Variants in ME1 observed in about 807,000 individuals in gnomAD.
The protein encoded by ME1 is NADP-dependent malic enzyme.
In ME1, 74 loss-of-function variants were observed where a neutral mutation model predicts 66.4. The observed-to-expected ratio is 1.11, with a 90% CI of 0.92 to 1.35. ME1 has a LOEUF of 1.35. Among genes scored for constraint, ME1 ranks in the 40% most tolerant of loss-of-function variants. ME1 has a pLI of 0.00. For synonymous variants in ME1, 251 were observed against 235.6 expected, an observed-to-expected ratio of 1.07 and a Z score of -0.60; for missense variants, 750 against 694.1, an observed-to-expected ratio of 1.08 and a Z score of -0.90.
intron 7 of ME1, among the ~76,000 whole-genome samples, chr6:83,241,924 G>A (rs555679255): frequency 6.6e-6 from 1 of 152,044 alleles, no homozygotes; most frequent in African/African-American, 2.4e-5. Flanking sequence ...GTGCAGTGGC[G>A]CGATCCTGGC....
intron 3 of ME1, among the ~76,000 whole-genome samples, chr6:83,376,389 G>A (rs1394503610): frequency 6.6e-6 from 1 of 151,776 alleles, no homozygotes; most frequent in Non-Finnish European, 1.5e-5. Flanking sequence ...CAGCTACTTA[G>A]GAGACTGAGG....
chr6:83,225,834 A>ATC (rs1424828588), intron 11 of ME1, among the ~76,000 whole-genome samples: 4 of 140,606 alleles, frequency 2.8e-5, no homozygotes, highest in Admixed American at 1.4e-4. Flanking sequence ...ATATATATAT[A>ATC]TATCTCCCCC....
chr6:83,213,878 TAAAC>T (rs948857973), intron 13 of ME1, among the ~76,000 whole-genome samples: 45 of 151,822 alleles, frequency 3.0e-4, no homozygotes, highest in South Asian at 1.3e-3. Context: ...TGTTAGAAAA[TAAAC>T]AAACGAAAGA....
At chr6:83,212,183 C>T (rs1053772327) in intron 13 of ME1, 89 bp from the exon 14 acceptor site, 1 of 869,394 alleles carries the variant, frequency 1.2e-6, no homozygotes, top group African/African-American at 1.7e-5. Context: ...ATTTCAAAAA[C>T]ACTGTATCCT....
intron 6 of ME1, among the ~76,000 whole-genome samples, chr6:83,309,347 A>G (rs1767887809): frequency 6.6e-6 from 1 of 152,204 alleles, no homozygotes; most frequent in Admixed American, 6.5e-5. Flanking sequence ...GGTTCAGTTA[A>G]GAGAAGTAAT....
Position 83,250,149 on chromosome 6 carries a change from T to C in ME1, c.814+3480A>G, listed in dbSNP as rs549635457. Among the ~76,000 whole-genome samples, 3 of 151,778 alleles carry C rather than the reference T, an allele frequency of 2.0e-5. No individual in the cohort carries two copies. The East Asian group carries it at 5.8e-4, about 29-fold the overall frequency. Reference sequence around the variant, plus strand: ...TATGTTTCATAGTCCGTTGGCTCTCTAGTTCTCTACAATAGTTCTTTCAGA... The same window carrying C: ...TATGTTTCATAGTCCGTTGGCTCTCCAGTTCTCTACAATAGTTCTTTCAGA... On this transcript the variant is annotated intron_variant, in intron 7 of 13. Transcript: ENST00000369705.
At chr6:83,330,335 T>A (rs1768379504) in intron 5 of ME1, among the ~76,000 whole-genome samples, 1 of 152,154 alleles carries the variant, frequency 6.6e-6, no homozygotes, top group Non-Finnish European at 1.5e-5. Flanking sequence ...TGTTGCCTCA[T>A]GTCATCAATA....
chr6:83,304,124 G>A (rs1767781100), intron 6 of ME1, among the ~76,000 whole-genome samples: 1 of 152,098 alleles, frequency 6.6e-6, no homozygotes, highest in South Asian at 2.1e-4. Flanking sequence ...TACTACTGAA[G>A]GTACTATTAG....
intron 6 of ME1, among the ~76,000 whole-genome samples, chr6:83,261,788 T>C (rs921011893): frequency 2.0e-5 from 3 of 151,920 alleles, no homozygotes; most frequent in African/African-American, 7.2e-5. Flanking sequence ...CCGAGGCAGA[T>C]GGATCACCTG....
chr6:83,404,388 T>C (rs1054093051), intron 2 of ME1, among the ~76,000 whole-genome samples: 2 of 152,196 alleles, frequency 1.3e-5, no homozygotes, highest in Non-Finnish European at 2.9e-5. Context: ...TCTTTGTAGA[T>C]TCTGGATATT....
chr6:83,260,654 G>A (rs1766865399), intron 6 of ME1, among the ~76,000 whole-genome samples: 1 of 152,120 alleles, frequency 6.6e-6, no homozygotes, highest in African/African-American at 2.4e-5. Context: ...GTGTTCAAGT[G>A]TTCTCATCAT....
intron 6 of ME1, among the ~76,000 whole-genome samples, chr6:83,276,701 A>G (rs545710471): frequency 1.2e-3 from 176 of 152,356 alleles, no homozygotes; most frequent in African/African-American, 4.0e-3. Flanking sequence ...ACTAAAAAAA[A>G]ATTAGTTTTA....
intron 5 of ME1, among the ~76,000 whole-genome samples, chr6:83,334,301 G>C (rs1768481373): frequency 7.8e-6 from 1 of 128,636 alleles, no homozygotes; most frequent in African/African-American, 3.0e-5. Flanking sequence ...CCCACACCTG[G>C]CTCAGAGGGT....
rs189223023 is a variant in ME1, at chr6:83,340,045, C to T, written c.600+6128G>A. 6.5e-3 allele frequency among the ~76,000 whole-genome samples: 986 copies of T among 151,308 alleles called. 11 individuals carry two copies. Among genetic ancestry groups the T allele is most frequent in the African/African-American group, 0.023 (934 of 41,248 alleles). On this transcript the variant is annotated intron_variant, in intron 5 of 13. Coordinates refer to ENST00000369705, the MANE Select transcript of ME1 (RefSeq NM_002395.6). ...AGAATAGCAGAATAGAATATTGTTG[C>T]TACTGTGAATGAGTTAATTTTTAAC...
At position 83,221,947 on chromosome 6, in the gene ME1, TATG is replaced by T. The variant is rs369265417; in HGVS notation, c.1449+1810_1449+1812del. Among the ~76,000 whole-genome samples the T allele has an allele frequency of 1.6e-3, 250 of 152,302 alleles. 1 individual carries two copies. Among genetic ancestry groups the T allele is most frequent in the African/African-American group, 5.8e-3 (239 of 41,558 alleles). ...AGATGCAGCCAGAGAGATCACTAGC[TATG>T]ATAAGAATTAGTGATGTGGTATGTT... is the stretch of plus-strand genomic sequence containing the variant. On this transcript the variant is annotated intron_variant, in intron 12 of 13. Transcript: ENST00000369705.
At chr6:83,358,419 T>G (rs1768942971) in intron 3 of ME1, among the ~76,000 whole-genome samples, 1 of 152,160 alleles carries the variant, frequency 6.6e-6, no homozygotes, top group African/African-American at 2.4e-5. Context: ...TTGTATCTCC[T>G]GGCTTCAGAA....
rs1030099766 is a variant in ME1, at chr6:83,270,357, G to A, written c.705-16619C>T. Among the ~76,000 whole-genome samples the A allele has an allele frequency of 6.6e-5, 10 of 151,764 alleles. No homozygotes were observed. The East Asian group carries it at 1.7e-3, about 26-fold the overall frequency. ...TCAGGTCCCAGATTTCTTGTTAAACGATCTACTCCACATAAAAATCTCTTT... is the reference window on the plus strand; with the variant it reads ...TCAGGTCCCAGATTTCTTGTTAAACAATCTACTCCACATAAAAATCTCTTT... On this transcript the variant is annotated intron_variant, in intron 6 of 13. Coordinates refer to ENST00000369705, the MANE Select transcript of ME1 (RefSeq NM_002395.6).
At chr6:83,343,764 G>T (rs1431198655) in intron 5 of ME1, among the ~76,000 whole-genome samples, 1 of 152,056 alleles carries the variant, frequency 6.6e-6, no homozygotes. Context: ...ACCAAAACAG[G>T]AAAGAAACAT....
At chr6:83,357,935 C>CTCTCTCTATATATATATATATA (rs1447805761) in intron 3 of ME1, among the ~76,000 whole-genome samples, 1 of 30,040 alleles carries the variant, frequency 3.3e-5, no homozygotes, top group Non-Finnish European at 5.9e-5. Flanking sequence ...CTCTCTCTCT[C>CTCTCTCTATATATATATATATA]TATATATATA....
Sources: gnomAD v4.1 joint callset for allele counts (sites outside exome capture counted in the v4.1 genomes callset) on GRCh38, gnomAD v4.1.1 for gene constraint, MANE v1.5 for transcripts, NCBI Gene and HGNC (gene_info 2026-07-23, HGNC 2026-07-21) for gene names.